Variants in SEMA4D observed in about 807,000 individuals in gnomAD.
SEMA4D encodes semaphorin 4D.
A neutral mutation model predicts 74.8 loss-of-function variants in SEMA4D; 22 were observed. That is an observed-to-expected ratio of 0.29 (90% CI 0.21 to 0.42). The LOEUF (loss-of-function observed/expected upper bound fraction) is 0.42, where lower values mean the gene tolerates loss of function less well. Among genes scored for constraint, SEMA4D ranks in the 10% least tolerant of loss-of-function variants. The probability of loss-of-function intolerance (pLI) is 1.00; values close to 1 mark genes in which losing one functional copy is unlikely to be tolerated. For synonymous variants in SEMA4D, 445 were observed against 463.7 expected (o/e 0.96, Z 0.52); for missense variants, 937 against 1,118.4 (o/e 0.84, Z 2.31).
intron 11 of SEMA4D, 97 bp downstream of exon 11, chr9:89,388,539 G>C: frequency 6.9e-7 from 1 of 1,455,174 alleles, no homozygotes; most frequent in Non-Finnish European, 9.1e-7. Context: ...GGCGTGGCCA[G>C]GTACCCAGCC....
chr9:89,402,879 G>A lies in SEMA4D; in HGVS notation c.244C>T (p.Gln82Ter), dbSNP rs2133638999. 2 of 1,613,538 alleles carry A rather than the reference G, an allele frequency of 1.2e-6. No individual in the cohort carries two copies. Among genetic ancestry groups the A allele is most frequent in the South Asian group, 2.2e-5 (2 of 91,082 alleles). The part of the protein sequence containing the change: ...AVNALNISEK[Q>*]HEVYWKVSED... The stretch of plus-strand genomic sequence containing the variant: ...GGGAGCCCAGGACGTACCTCATGCT[G>A]CTTCTCGGAGATGTTGAGTGCGTTC... The change falls in exon 4 of 16, where the codon CAG (glutamine) becomes TAG (stop). Residue 82 changes from glutamine to a stop codon, truncating the protein, a stop_gained. Coordinates refer to ENST00000422704, the MANE Select transcript of SEMA4D (RefSeq NM_001371194.2). LOFTEE classifies it high-confidence loss of function.
chr9:89,418,512 G>T, intron 2 of SEMA4D: 2 of 744,904 alleles, frequency 2.7e-6, no homozygotes, highest in Non-Finnish European at 1.6e-6. Flanking sequence ...TCTTCATGAG[G>T]CAAAGAAGGA....
chr9:89,463,712 T>A (rs984183007), intron 1 of SEMA4D, among the ~76,000 whole-genome samples: 19 of 152,004 alleles, frequency 1.2e-4, no homozygotes, highest in Non-Finnish European at 1.9e-4. Context: ...GAGGCGGGCA[T>A]ATCACGAGGT....
rs931871185 is a variant in SEMA4D at position 89,405,431 on chromosome 9, C to T, written c.26G>A (p.Gly9Glu). ...CATCACTGCAAGGGCCATGAGCAGC[C>T]CCCTAATGGGGGTGCACATCCTCAT... The part of the protein sequence containing the change: MRMCTPIR[G>E]LLMALAVMFG... The change falls in exon 3 of 16, where the codon GGG (glycine) becomes GAG (glutamate). Residue 9 changes from glycine to glutamate, a missense_variant. Coordinates refer to ENST00000422704, the MANE Select transcript of SEMA4D (RefSeq NM_001371194.2). 6 of 1,613,852 alleles carry T rather than the reference C, an allele frequency of 3.7e-6. No homozygotes were observed. The East Asian group carries it at 1.1e-4, about 30-fold the overall frequency.
At chr9:89,454,575 G>A (rs898705460) in intron 2 of SEMA4D, among the ~76,000 whole-genome samples, 1 of 152,316 alleles carries the variant, frequency 6.6e-6, no homozygotes, top group African/African-American at 2.4e-5. Flanking sequence ...TAAACAAGCC[G>A]GAAACGAGAG....
rs74935859 is a variant in SEMA4D, at chr9:89,442,314, C to T, written c.-244+13574G>A. ...GCCCCCCACTCCAGCCCCACTGGCCCGCCTGTCAGAAGAGGAGGGAGCTAC... is the reference window on the plus strand; with the variant it reads ...GCCCCCCACTCCAGCCCCACTGGCCTGCCTGTCAGAAGAGGAGGGAGCTAC... On this transcript the variant is annotated intron_variant, in intron 2 of 15. Transcript: ENST00000422704. Among the ~76,000 whole-genome samples the T allele has an allele frequency of 7.9e-3, 1,198 of 152,342 alleles. 17 individuals are homozygous for T. The highest frequency in any genetic ancestry group is 0.026 in the African/African-American group (1,097 of 41,564).
intron 16 of SEMA4D, among the ~76,000 whole-genome samples, chr9:89,366,621 A>G (rs1357088533): frequency 6.6e-6 from 1 of 152,276 alleles, no homozygotes; most frequent in African/African-American, 2.4e-5. Context: ...ATATAAGTAC[A>G]TATTACATAG....
At chr9:89,439,067 T>C (rs1851137985) in intron 2 of SEMA4D, among the ~76,000 whole-genome samples, 2 of 136,620 alleles carry the variant, frequency 1.5e-5, no homozygotes, top group East Asian at 4.7e-4. Flanking sequence ...CTGCAACCTC[T>C]GCCTCCCGGA....
intron 2 of SEMA4D, among the ~76,000 whole-genome samples, chr9:89,440,858 A>G (rs1702544752): frequency 6.6e-6 from 1 of 152,246 alleles, no homozygotes; most frequent in Admixed American, 6.5e-5. Flanking sequence ...AGAGAACTAC[A>G]GGAGACAAGC....
rs541950587 is a variant in SEMA4D, at chr9:89,378,438, G to A, written c.*266C>T. ...AGAAAGGGCTCAGGAACTCCGTGCC[G>A]CCCGTGGGCCTTCTTCAAGTACTCC... On this transcript the variant is annotated 3_prime_UTR_variant, in exon 16 of 16. Transcript: ENST00000422704. 4.9e-4 allele frequency: 206 copies of A among 420,348 alleles called. 2 individuals carry two copies. The highest frequency in any genetic ancestry group is 2.0e-3 in the South Asian group (62 of 31,342). The allele number at this position is 420,348 out of a possible 1,614,324, so 26.0% of individuals were successfully genotyped here. A position where few individuals can be genotyped will look rare whatever the true frequency, so the allele number is the denominator to read the frequency against.
chr9:89,434,953 GAAA>G (rs1224461251), intron 2 of SEMA4D, among the ~76,000 whole-genome samples: 3 of 152,048 alleles, frequency 2.0e-5, no homozygotes, highest in Non-Finnish European at 4.4e-5. Flanking sequence ...TCTCCTGAAA[GAAA>G]AAAACCTGAA....
rs575898339 is a variant in SEMA4D, at chr9:89,451,973, C to G, written c.-244+3915G>C. ...GCTCTGTATCAGGTGTGGTGTCCAG[C>G]TAGGATACTAAGCAGGGATCCTATG... is the stretch of plus-strand genomic sequence containing the variant. On this transcript the variant is annotated intron_variant, in intron 2 of 15. Transcript: ENST00000422704. Among the ~76,000 whole-genome samples the G allele has an allele frequency of 4.6e-5, 7 of 152,230 alleles. No individual in the cohort carries two copies. In the South Asian group the frequency reaches 1.5e-3, roughly 32 times the overall value.
chr9:89,450,660 G>GGGAAAAAAAAAAAAAAAAAA (rs1491451024), intron 2 of SEMA4D: 2 of 430,436 alleles, frequency 4.6e-6, no homozygotes, highest in South Asian at 2.4e-5. Flanking sequence ...AAAAACCCAG[G>GGGAAAAAAAAAAAAAAAAAA]AAAAAAAAAA....
At chr9:89,384,012 T>C (rs1837820767) in intron 13 of SEMA4D, among the ~76,000 whole-genome samples, 1 of 152,136 alleles carries the variant, frequency 6.6e-6, no homozygotes, top group South Asian at 2.1e-4. Context: ...CAGAGGCAAC[T>C]GAGCTGTCTA....
chr9:89,392,727 G>A, intron 7 of SEMA4D, among the ~76,000 whole-genome samples, 191 bp from the exon 8 acceptor site: 1 of 151,960 alleles, frequency 6.6e-6, no homozygotes, highest in East Asian at 1.9e-4. Context: ...TTCGAGATGA[G>A]GTTTTTTTGT....
chr9:89,403,152 G>T, intron 3 of SEMA4D, 136 bp from the exon 4 acceptor site: 1 of 1,022,334 alleles, frequency 9.8e-7, no homozygotes. Context: ...CGAGGGCCAT[G>T]TGTTGCTGCA....
chr9:89,456,116 AC>A (rs1855870650), intron 1 of SEMA4D, among the ~76,000 whole-genome samples, 163 bp from the exon 2 acceptor site: 1 of 152,230 alleles, frequency 6.6e-6, no homozygotes, highest in Non-Finnish European at 1.5e-5. Context: ...GATACAGCTT[AC>A]CTGGCCACGT....
chr9:89,386,432 T>C lies in SEMA4D; in HGVS notation c.1381A>G (p.Ile461Val). 2 of 1,614,084 alleles carry C rather than the reference T, an allele frequency of 1.2e-6. No individual in the cohort carries two copies. Among genetic ancestry groups the C allele is most frequent in the East Asian group, 2.2e-5 (1 of 44,874 alleles). ...AISLEHAVHI[I>V]EETQLFQDFE... is the part of the protein sequence containing the mutation. ...TCCTGGAAGAGCTGGGTCTCCTCGATGATGTGAACAGCGTGCTCGAGGCTG... is the reference window on the plus strand; with the variant it reads ...TCCTGGAAGAGCTGGGTCTCCTCGACGATGTGAACAGCGTGCTCGAGGCTG... Residue 461 changes from isoleucine to valine, a missense_variant, in exon 13 of 16, where the codon ATC becomes GTC. Ile to Val is a conservative substitution (Grantham distance 29). Transcript: ENST00000422704.
In SEMA4D at chr9:89,371,925, GGT is replaced by G. The variant is rs1328351104; in HGVS notation, c.1882+4906_1882+4907del. 9.0e-4 allele frequency among the ~76,000 whole-genome samples: 128 copies of G among 142,032 alleles called. 1 individual carries two copies. Among genetic ancestry groups the G allele is most frequent in the African/African-American group, 3.3e-3 (121 of 36,510 alleles). 93.2% of individuals were successfully genotyped at this position (142,032 alleles called of 152,430 possible). A position where few individuals can be genotyped will look rare whatever the true frequency, so the allele number is the denominator to read the frequency against. On this transcript the variant is annotated intron_variant, in intron 16 of 18. Transcript: ENST00000339861. ...GGTATGTGTGTGGTGTGTGGGGTGT[GGT>G]GTGTGTGGGGTGTGGTGTGTGTGGG...
Sources: allele counts gnomAD v4.1 joint callset (sites outside exome capture counted in the v4.1 genomes callset), GRCh38; gene constraint gnomAD v4.1.1; transcripts MANE v1.5; gene names NCBI Gene and HGNC (gene_info 2026-07-23, HGNC 2026-07-21).